The following FUT8 variants were observed in gnomAD, a reference collection of about 807,000 sequenced individuals.
The protein encoded by FUT8 is alpha-(1,6)-fucosyltransferase.
A neutral mutation model predicts 71.3 loss-of-function variants in FUT8; 29 were observed. That is an observed-to-expected ratio of 0.41 (90% CI 0.30 to 0.55). The LOEUF is 0.55. Ranked by LOEUF, FUT8 falls within the 20% of genes least tolerant of loss-of-function variation. The pLI is 0.34. For missense variants in FUT8, 544 were observed against 702.1 expected, an observed-to-expected ratio of 0.77 and a Z score of 2.55; for synonymous variants, 254 against 239.3, an observed-to-expected ratio of 1.06 and a Z score of -0.57.
the FUT8 span, among the ~76,000 whole-genome samples, chr14:65,378,206 T>TAGGAGTTAGTATAGG: frequency 5.2e-4 from 79 of 152,242 alleles, no homozygotes; most frequent in East Asian, 9.5e-3. Flanking sequence ...TTATTATAGT[T>TAGGAGTTAGTATAGG]TAGGAGTCAC....
chr14:65,666,756 A>T (rs1384418937), intron 6 of FUT8, among the ~76,000 whole-genome samples: 1 of 152,174 alleles, frequency 6.6e-6, no homozygotes, highest in Non-Finnish European at 1.5e-5. Flanking sequence ...CTTGATGAAC[A>T]TAGATGCAAA....
the FUT8 span, among the ~76,000 whole-genome samples, chr14:65,370,162 C>A: frequency 6.7e-6 from 1 of 149,148 alleles, no homozygotes; most frequent in Non-Finnish European, 1.5e-5. Flanking sequence ...ACCATGAAAT[C>A]CAAATGGCAG....
Position 65,707,463 on chromosome 14 carries a change from C to T in FUT8, c.836-14312C>T, listed in dbSNP as rs866529064. ...AATTCATGGATTATCTCTTCACTCT[C>T]GTTTTCTTTGCTGTACAGAACGTTT... On this transcript the variant is annotated intron_variant, in intron 7 of 10. Coordinates refer to ENST00000673929, the MANE Select transcript of FUT8 (RefSeq NM_001371533.1). 4.6e-5 allele frequency among the ~76,000 whole-genome samples: 7 copies of T among 152,076 alleles called. No homozygotes were observed. In the South Asian group the frequency reaches 8.3e-4, roughly 18 times the overall value.
chr14:65,474,457 A>AAAAAAAAAAAAAAAAAAAAAG (rs2066202414), intron 2 of FUT8, among the ~76,000 whole-genome samples: 1 of 147,902 alleles, frequency 6.8e-6, no homozygotes, highest in African/African-American at 2.5e-5. Context: ...AAAAAAAAAA[A>AAAAAAAAAAAAAAAAAAAAAG]GCCAGGCGTG....
At chr14:65,702,175 G>T (rs1412421232) in intron 7 of FUT8, among the ~76,000 whole-genome samples, 1 of 152,072 alleles carries the variant, frequency 6.6e-6, no homozygotes, top group Non-Finnish European at 1.5e-5. Flanking sequence ...GAGAAACCCT[G>T]TCTGTACTAG....
intron 2 of FUT8, among the ~76,000 whole-genome samples, chr14:65,465,778 A>T (rs144644572): frequency 6.6e-6 from 1 of 152,180 alleles, no homozygotes; most frequent in Non-Finnish European, 1.5e-5. Context: ...TATAAATGTC[A>T]GTTAGATCTA....
chr14:65,464,081 A>T (rs1266389874), intron 2 of FUT8, among the ~76,000 whole-genome samples: 1 of 152,208 alleles, frequency 6.6e-6, no homozygotes, highest in Non-Finnish European at 1.5e-5. Flanking sequence ...TTAATGTATT[A>T]CTGTGAAAGT....
At chr14:65,402,555 C>T in the FUT8 span, among the ~76,000 whole-genome samples, 4 of 152,070 alleles carry the variant, frequency 2.6e-5, no homozygotes, top group Non-Finnish European at 4.4e-5. Context: ...GTAATCGCAG[C>T]TACTTGGGAG....
chr14:65,570,886 T>C (rs117057034), intron 3 of FUT8, among the ~76,000 whole-genome samples: 1,834 of 152,192 alleles, frequency 0.012, 15 homozygotes, highest in South Asian at 0.024. Flanking sequence ...AGCTGAGTCT[T>C]GCCCAATCCC....
upstream of FUT8, among the ~76,000 whole-genome samples, chr14:65,408,115 G>A (rs567006298): frequency 1.3e-5 from 2 of 152,294 alleles, no homozygotes; most frequent in Middle Eastern, 3.4e-3. Context: ...CCAAATCTCA[G>A]TGGCTTAAAC....
chr14:65,642,546 T>G, intron 6 of FUT8, among the ~76,000 whole-genome samples: 1 of 142,920 alleles, frequency 7.0e-6, no homozygotes, highest in African/African-American at 2.6e-5. Context: ...GAGGCTGCAG[T>G]GAGCCAAGAT....
intron 7 of FUT8, among the ~76,000 whole-genome samples, chr14:65,670,420 A>C (rs1393901001): frequency 1.3e-5 from 2 of 152,150 alleles, no homozygotes; most frequent in Admixed American, 1.3e-4. Context: ...ATATGAACTT[A>C]TATCTAGTAA....
At chr14:65,734,230 G>T (rs1025527447) in intron 10 of FUT8, among the ~76,000 whole-genome samples, 2 of 152,018 alleles carry the variant, frequency 1.3e-5, no homozygotes, top group Non-Finnish European at 2.9e-5. Flanking sequence ...CATATAAATT[G>T]GTATAAGATA....
intron 6 of FUT8, among the ~76,000 whole-genome samples, chr14:65,667,375 A>G (rs1402891625): frequency 1.3e-5 from 2 of 152,206 alleles, no homozygotes; most frequent in East Asian, 3.8e-4. Flanking sequence ...TCTATACATC[A>G]GTAATATCCA....
At chr14:65,433,787 TCTCTC>T (rs1302162475) in intron 1 of FUT8, among the ~76,000 whole-genome samples, 1 of 9,786 alleles carries the variant, frequency 1.0e-4, no homozygotes, top group Non-Finnish European at 2.5e-4. Flanking sequence ...TTCTGTCTCT[TCTCTC>T]TCTCTCTCTC....
intron 6 of FUT8, among the ~76,000 whole-genome samples, chr14:65,655,416 C>T (rs1305180699): frequency 6.8e-6 from 1 of 147,906 alleles, no homozygotes; most frequent in African/African-American, 2.5e-5. Context: ...GCGGAACTTG[C>T]AGTGAGCCGA....
intron 2 of FUT8, among the ~76,000 whole-genome samples, chr14:65,549,214 A>G (rs1042692670): frequency 3.3e-5 from 5 of 152,106 alleles, no homozygotes; most frequent in Admixed American, 1.3e-4. Flanking sequence ...CAGCAATCCT[A>G]CTCCTAGCTA....
chr14:65,632,666 T>A (rs981394350), intron 6 of FUT8, among the ~76,000 whole-genome samples: 4 of 152,180 alleles, frequency 2.6e-5, no homozygotes, highest in African/African-American at 9.7e-5. Context: ...CTCTGTGGGT[T>A]GTGTGTTTAC....
intron 7 of FUT8, among the ~76,000 whole-genome samples, chr14:65,717,008 G>A (rs1458836281): frequency 6.7e-6 from 1 of 148,644 alleles, no homozygotes; most frequent in East Asian, 2.0e-4. Flanking sequence ...GGGTGGCCGG[G>A]CAGAGGCGCT....
Sources: gnomAD v4.1 joint callset for allele counts (sites outside exome capture counted in the v4.1 genomes callset) on GRCh38, gnomAD v4.1.1 for gene constraint, MANE v1.5 for transcripts, NCBI Gene and HGNC (gene_info 2026-07-23, HGNC 2026-07-21) for gene names.